Variants in MIGA1 observed in about 807,000 individuals in gnomAD.
The protein encoded by MIGA1 is mitoguardin 1, also known as family with sequence similarity 73, member A.
In MIGA1, 58 loss-of-function variants were observed where a neutral mutation model predicts 82.0. That is an observed-to-expected ratio of 0.71 (90% confidence interval 0.57 to 0.88). MIGA1 has a LOEUF of 0.88. MIGA1 is among the 40% of genes least tolerant of loss of function. The pLI is 0.00. For synonymous variants in MIGA1, 249 were observed against 253.6 expected, an observed-to-expected ratio of 0.98 and a Z score of 0.17; for missense variants, 751 against 749.1, an observed-to-expected ratio of 1.00 and a Z score of -0.03.
intron 6 of MIGA1, 119 bp from the exon 7 acceptor site, chr1:77,814,987 ATC>A (rs1683518391): frequency 1.6e-6 from 1 of 630,990 alleles, no homozygotes; most frequent in African/African-American, 1.9e-5. Context: ...TCTTTCCACC[ATC>A]TCTCAGTTGT....
intron 14 of MIGA1, chr1:77,868,306 A>G (rs1685753261): frequency 1.3e-5 from 2 of 152,154 alleles, no homozygotes; most frequent in African/African-American, 4.8e-5. Flanking sequence ...AGCTCACTAC[A>G]ACCTCTGCCT....
chr1:77,841,006 A>G (rs1355399513), intron 7 of MIGA1, among the ~76,000 whole-genome samples: 2 of 152,182 alleles, frequency 1.3e-5, no homozygotes, highest in Non-Finnish European at 2.9e-5. Context: ...GTGTTTAAAA[A>G]GCCTTAATAT....
intron 7 of MIGA1, among the ~76,000 whole-genome samples, chr1:77,829,492 A>G (rs1306161676): frequency 6.6e-6 from 1 of 152,120 alleles, no homozygotes; most frequent in Non-Finnish European, 1.5e-5. Context: ...GTTTTGAGAC[A>G]GAGTCTCGTT....
intron 8 of MIGA1, among the ~76,000 whole-genome samples, chr1:77,857,490 C>T (rs1042956995): frequency 9.9e-5 from 15 of 152,086 alleles, no homozygotes; most frequent in Admixed American, 7.2e-4. Context: ...GCTGGGATTG[C>T]GGGCATGAGC....
At chr1:77,818,098 G>A (rs1174982421) in intron 7 of MIGA1, among the ~76,000 whole-genome samples, 3 of 151,266 alleles carry the variant, frequency 2.0e-5, no homozygotes, top group South Asian at 4.2e-4. Context: ...TAGGACTACA[G>A]GTGTGTGCCA....
At chr1:77,799,088 T>C (rs2101740922) in intron 2 of MIGA1, among the ~76,000 whole-genome samples, 1 of 152,304 alleles carries the variant, frequency 6.6e-6, no homozygotes, top group South Asian at 2.1e-4. Flanking sequence ...TTTAATATAT[T>C]GATGGATTTT....
chr1:77,817,161 T>A (rs968540172), intron 7 of MIGA1, among the ~76,000 whole-genome samples: 4 of 152,200 alleles, frequency 2.6e-5, no homozygotes, highest in Non-Finnish European at 4.4e-5. Context: ...TCTGTAGAGG[T>A]TGACTGGGTC....
chr1:77,871,125 G>GGAGGGAGAGGGA (rs1553229459), intron 14 of MIGA1, among the ~76,000 whole-genome samples: 2 of 74,216 alleles, frequency 2.7e-5, no homozygotes, highest in African/African-American at 1.0e-4. Context: ...GAGAGGGAGA[G>GGAGGGAGAGGGA]GAGGGAGAGG....
At chr1:77,808,204 T>C (rs750838869) in intron 5 of MIGA1, among the ~76,000 whole-genome samples, 34 of 151,830 alleles carry the variant, frequency 2.2e-4, no homozygotes, top group Non-Finnish European at 5.0e-4. Flanking sequence ...GTTACATATG[T>C]ATACATGTGC....
At chr1:77,819,995 A>G (rs975627210) in intron 7 of MIGA1, among the ~76,000 whole-genome samples, 2 of 151,922 alleles carry the variant, frequency 1.3e-5, no homozygotes, top group Non-Finnish European at 2.9e-5. Flanking sequence ...GTATGCCTAT[A>G]CCCAAAATTC....
Position 77,811,564 on chromosome 1 carries a change from C to T in MIGA1, c.638-2170C>T, listed in dbSNP as rs141132857. 1,675 of 1,611,112 alleles carry T rather than the reference C, an allele frequency of 1.0e-3. 20 individuals carry two copies. The East Asian group carries it at 0.031, about 30-fold the overall frequency. ...CTGTGTGGACTGTAAAGCTGCACTT[C>T]GCAATTCCAAGCATGTTGCAATTTT... On this transcript the variant is annotated intron_variant, in intron 5 of 15. Transcript: ENST00000370791.
chr1:77,860,525 G>A (rs1356324028), intron 11 of MIGA1: 1 of 159,022 alleles, frequency 6.3e-6, no homozygotes, highest in Non-Finnish European at 1.4e-5. Context: ...GAATGAGGCA[G>A]AAGCAATGAC....
chr1:77,819,100 AAAAG>A (rs1180779879), intron 7 of MIGA1, among the ~76,000 whole-genome samples: 38 of 151,910 alleles, frequency 2.5e-4, no homozygotes, highest in South Asian at 1.7e-3. Context: ...AAAAAAAAGA[AAAAG>A]AAAATCATCT....
intron 1 of MIGA1, among the ~76,000 whole-genome samples, chr1:77,782,433 C>G (rs913834668): frequency 6.6e-6 from 1 of 152,058 alleles, no homozygotes; most frequent in Non-Finnish European, 1.5e-5. Context: ...AATATGTACA[C>G]TAGATCGTTT....
At chr1:77,780,659 G>A (rs773805999) in intron 1 of MIGA1, among the ~76,000 whole-genome samples, 1 of 152,064 alleles carries the variant, frequency 6.6e-6, no homozygotes, top group Non-Finnish European at 1.5e-5. Flanking sequence ...ATATCACACA[G>A]GACAATATTT....
intron 8 of MIGA1, among the ~76,000 whole-genome samples, chr1:77,856,495 A>G (rs1286545368): frequency 6.6e-6 from 1 of 152,068 alleles, no homozygotes; most frequent in African/African-American, 2.4e-5. Flanking sequence ...CTGTGAATCC[A>G]TCTGGTCCTG....
chr1:77,861,012 C>T (rs2101940466), intron 11 of MIGA1: 2 of 466,642 alleles, frequency 4.3e-6, no homozygotes, highest in East Asian at 7.4e-5. Flanking sequence ...AAATAGTTTG[C>T]TTGTGACATT....
Position 77,866,337 on chromosome 1 carries a change from G to A in MIGA1, c.1510-1G>A, listed in dbSNP as rs1427195263. ...TCTTTCTTTTCTCTGCATGTATTTAGGCTGTGGCTTCAAGTTGTTGGTCGG... is the reference window on the plus strand; with the variant it reads ...TCTTTCTTTTCTCTGCATGTATTTAAGCTGTGGCTTCAAGTTGTTGGTCGG... On this transcript the variant is annotated splice_acceptor_variant, in intron 13 of 15. Coordinates refer to ENST00000370791, the MANE Select transcript of MIGA1 (RefSeq NM_198549.4). LOFTEE classifies it high-confidence loss of function. The A allele has an allele frequency of 6.2e-7, 1 of 1,613,754 alleles. No homozygotes were observed. The highest frequency in any genetic ancestry group is 1.3e-5 in the African/African-American group (1 of 74,908).
intron 2 of MIGA1, among the ~76,000 whole-genome samples, chr1:77,783,739 A>C (rs528443116): frequency 6.6e-6 from 1 of 152,224 alleles, no homozygotes; most frequent in Non-Finnish European, 1.5e-5. Context: ...CATTAGCCTT[A>C]AGTACATTCA....
Sources: allele counts gnomAD v4.1 joint callset (sites outside exome capture counted in the v4.1 genomes callset), GRCh38; gene constraint gnomAD v4.1.1; transcripts MANE v1.5; gene names NCBI Gene and HGNC (gene_info 2026-07-23, HGNC 2026-07-21).